The following GRM8 variants were observed in gnomAD, a reference collection of about 807,000 sequenced individuals.
The protein encoded by GRM8 is glutamate metabotropic receptor 8.
Under a neutral mutation model 87.2 loss-of-function variants are expected in GRM8, and 47 were observed. The observed-to-expected ratio is 0.54, with a 90% confidence interval of 0.43 to 0.69. The LOEUF (loss-of-function observed/expected upper bound fraction) is 0.69, where lower values mean the gene tolerates loss of function less well. GRM8 is among the 30% of genes least tolerant of loss of function. GRM8 has a pLI of 0.00. For synonymous variants in GRM8, 396 were observed against 404.5 expected, an observed-to-expected ratio of 0.98 and a Z score of 0.25; for missense variants, 1,019 against 1,139.2, an observed-to-expected ratio of 0.89 and a Z score of 1.52.
rs144073227 is a variant in GRM8, at chr7:126,981,788, C to G, written c.728-77105G>C. On this transcript the variant is annotated intron_variant, in intron 3 of 10. Transcript: ENST00000339582. The stretch of plus-strand genomic sequence containing the variant: ...CCTCTTCACCATGTAAAGAAGCTGT[C>G]CCCACCATTAATAGTTCTTTCCTCC... 2.0e-5 allele frequency: 3 copies of G among 152,260 alleles called. No homozygotes were observed. The East Asian group carries it at 5.8e-4, about 29-fold the overall frequency. The allele number at this position is 152,260 out of a possible 1,614,324, so 9.4% of individuals were successfully genotyped here.
chr7:126,780,179 T>A (rs1038096913), intron 6 of GRM8, among the ~76,000 whole-genome samples: 1 of 152,182 alleles, frequency 6.6e-6, no homozygotes, highest in East Asian at 1.9e-4. Context: ...AGTTCTGTGA[T>A]TGAGACCAAC....
chr7:126,610,545 A>G (rs866283848), intron 7 of GRM8, among the ~76,000 whole-genome samples: 8 of 152,154 alleles, frequency 5.3e-5, no homozygotes, highest in Admixed American at 2.0e-4. Flanking sequence ...GTATTCTCCA[A>G]AAGTATACAT....
Position 127,221,456 on chromosome 7 carries a change from C to T in GRM8, c.510+21239G>A, listed in dbSNP as rs17866264. Among the ~76,000 whole-genome samples the T allele has an allele frequency of 4.7e-3, 719 of 152,172 alleles. 2 individuals carry two copies. Among genetic ancestry groups the T allele is most frequent in the Non-Finnish European group, 7.5e-3 (509 of 68,006 alleles). ...TATAGCCACCTTGCCCAAGTATGCC[C>T]GGGAATTATCACTTAGGACCAGGTT... On this transcript the variant is annotated intron_variant, in intron 2 of 10. Coordinates refer to ENST00000339582, the MANE Select transcript of GRM8 (RefSeq NM_000845.3).
Position 127,134,750 on chromosome 7 carries a change from G to C in GRM8, c.511-28038C>G, listed in dbSNP as rs907257785. ...TTTTCTTATATACAAAAAAAGTTAA[G>C]ATCTTAACATAAAATGTAGGCAAGA... On this transcript the variant is annotated intron_variant, in intron 2 of 10. Transcript: ENST00000339582. 7.2e-5 allele frequency among the ~76,000 whole-genome samples: 11 copies of C among 152,132 alleles called. 1 individual carries two copies. The South Asian group carries it at 2.1e-3, about 29-fold the overall frequency.
chr7:127,185,359 G>GA (rs1204950031), intron 2 of GRM8, among the ~76,000 whole-genome samples: 1 of 151,912 alleles, frequency 6.6e-6, no homozygotes, highest in Non-Finnish European at 1.5e-5. Flanking sequence ...CAATTCAATG[G>GA]AAAAAGAGAG....
intron 6 of GRM8, among the ~76,000 whole-genome samples, chr7:126,778,378 G>A (rs1819687685): frequency 1.3e-5 from 2 of 152,038 alleles, no homozygotes; most frequent in Non-Finnish European, 2.9e-5. Context: ...TCCCCTTCAG[G>A]TATTAAAAAT....
chr7:126,707,285 T>C (rs1810624499), intron 7 of GRM8, among the ~76,000 whole-genome samples: 1 of 152,150 alleles, frequency 6.6e-6, no homozygotes, highest in South Asian at 2.1e-4. Context: ...TAGCTATTAT[T>C]GTGTACAAGT....
chr7:127,074,994 T>C (rs939334304), intron 3 of GRM8, among the ~76,000 whole-genome samples: 1 of 152,220 alleles, frequency 6.6e-6, no homozygotes, highest in Admixed American at 6.5e-5. Flanking sequence ...TCATCCTTTG[T>C]GTATTCTTGA....
At chr7:127,019,989 G>C (rs1816096760) in intron 3 of GRM8, among the ~76,000 whole-genome samples, 1 of 152,002 alleles carries the variant, frequency 6.6e-6, no homozygotes, top group Non-Finnish European at 1.5e-5. Context: ...AAAAGAAACA[G>C]AAGTAAAAGC....
chr7:126,560,065 A>G (rs994506865), intron 8 of GRM8, among the ~76,000 whole-genome samples: 1 of 152,226 alleles, frequency 6.6e-6, no homozygotes, highest in African/African-American at 2.4e-5. Flanking sequence ...CTGTACTTAC[A>G]TAACAGCAGC....
chr7:127,006,499 G>C (rs187311189), intron 3 of GRM8, among the ~76,000 whole-genome samples: 1 of 152,034 alleles, frequency 6.6e-6, no homozygotes, highest in East Asian at 1.9e-4. Context: ...CCAATCAGAC[G>C]TCTGTCTCCA....
intron 6 of GRM8, among the ~76,000 whole-genome samples, chr7:126,797,453 ACT>A (rs1822082724): frequency 6.6e-6 from 1 of 151,922 alleles, no homozygotes; most frequent in South Asian, 2.1e-4. Flanking sequence ...AACATTTCCA[ACT>A]CTATTTTTTT....
intron 7 of GRM8, among the ~76,000 whole-genome samples, chr7:126,672,345 G>A (rs975479487): frequency 6.6e-6 from 1 of 152,170 alleles, no homozygotes; most frequent in African/African-American, 2.4e-5. Context: ...TGTACTGTGG[G>A]TATCTGCTAG....
chr7:126,773,524 G>A (rs1819081538), intron 6 of GRM8, among the ~76,000 whole-genome samples: 1 of 151,984 alleles, frequency 6.6e-6, no homozygotes, highest in Admixed American at 6.6e-5. Context: ...TCATTTTAGT[G>A]CCAGTGCAAC....
At chr7:126,856,468 T>C (rs1266117344) in intron 6 of GRM8, among the ~76,000 whole-genome samples, 1 of 152,224 alleles carries the variant, frequency 6.6e-6, no homozygotes, top group Non-Finnish European at 1.5e-5. Flanking sequence ...TACATGACTT[T>C]CATTTGCATT....
intron 3 of GRM8, among the ~76,000 whole-genome samples, chr7:127,006,973 CTT>C (rs1209647320): frequency 1.3e-5 from 2 of 152,076 alleles, no homozygotes; most frequent in East Asian, 3.9e-4. Flanking sequence ...TAGTAACAGT[CTT>C]TTATTTTACG....
chr7:127,102,202 A>C (rs956132096), intron 3 of GRM8, among the ~76,000 whole-genome samples: 4 of 152,232 alleles, frequency 2.6e-5, no homozygotes. Flanking sequence ...GAATGACTTA[A>C]AGCTGCAACT....
intron 7 of GRM8, among the ~76,000 whole-genome samples, chr7:126,665,896 A>T (rs1240429430): frequency 1.3e-5 from 2 of 152,076 alleles, no homozygotes; most frequent in Admixed American, 1.3e-4. Flanking sequence ...TGATAATCTG[A>T]GGAACAGATT....
intron 8 of GRM8, among the ~76,000 whole-genome samples, chr7:126,540,949 G>T (rs541856090): frequency 6.6e-6 from 1 of 152,330 alleles, no homozygotes; most frequent in South Asian, 2.1e-4. Context: ...TTTAAAAAAT[G>T]TGGAGACTAT....
Sources: gnomAD v4.1 joint callset for allele counts (sites outside exome capture counted in the v4.1 genomes callset) on GRCh38, gnomAD v4.1.1 for gene constraint, MANE v1.5 for transcripts, NCBI Gene and HGNC (gene_info 2026-07-23, HGNC 2026-07-21) for gene names.